The following GRIA4 variants were observed in gnomAD, a reference collection of about 807,000 sequenced individuals.
GRIA4 encodes glutamate receptor 4.
Under a neutral mutation model 104.0 loss-of-function variants are expected in GRIA4, and 34 were observed. The ratio of observed to expected loss-of-function variants is 0.33; its 90% CI spans 0.25 to 0.44. The LOEUF is 0.44. GRIA4 is among the 20% of genes least tolerant of loss of function. GRIA4 has a pLI of 1.00. For synonymous variants in GRIA4, 386 were observed against 381.9 expected (o/e 1.01, Z -0.13); for missense variants, 750 against 1,096.5 (o/e 0.68, Z 4.46).
At chr11:105,956,622 C>T (rs965199343) in intron 14 of GRIA4, among the ~76,000 whole-genome samples, 4 of 152,142 alleles carry the variant, frequency 2.6e-5, no homozygotes, top group African/African-American at 9.7e-5. Context: ...GGTATATATG[C>T]AGTAACAGGA....
chr11:105,897,804 G>A (rs1019959359), intron 6 of GRIA4, among the ~76,000 whole-genome samples: 1 of 152,060 alleles, frequency 6.6e-6, no homozygotes, highest in Non-Finnish European at 1.5e-5. Context: ...TGCTGGATTT[G>A]GGGTGCTGGT....
chr11:105,966,018 G>A (rs763030194), intron 14 of GRIA4: 1 of 1,613,634 alleles, frequency 6.2e-7, no homozygotes, highest in East Asian at 2.2e-5. Context: ...AACAAATGGT[G>A]GTACGACAAA....
intron 3 of GRIA4, among the ~76,000 whole-genome samples, chr11:105,715,693 G>T (rs557600878): frequency 1.3e-5 from 2 of 152,268 alleles, no homozygotes; most frequent in African/African-American, 4.8e-5. Flanking sequence ...ATGACCCAAA[G>T]AATTAAGGAT....
Position 105,887,547 on chromosome 11 carries a change from G to T in GRIA4, c.701G>T (p.Gly234Val). ...GTAAGTGTTGGAAAGCATGTTAAAG[G>T]CTACCATTATATCATTGCAAACTTG... The part of the protein sequence containing the change: ...QIVSVGKHVK[G>V]YHYIIANLGF... Residue 234 changes from glycine (G) to valine (V), a missense_variant, in exon 6 of 17, where the codon GGC becomes GTC. Gly to Val is a moderately radical substitution (Grantham distance 109). Transcript: ENST00000282499. 6.9e-7 allele frequency: 1 copy of T among 1,456,322 alleles called. No individual in the cohort carries two copies. Among genetic ancestry groups the T allele is most frequent in the Non-Finnish European group, 9.6e-7 (1 of 1,047,068 alleles). 90.2% of individuals were successfully genotyped at this position (1,456,322 alleles called of 1,614,324 possible).
At chr11:105,635,052 T>A (rs948230084) in intron 3 of GRIA4, among the ~76,000 whole-genome samples, 2 of 152,168 alleles carry the variant, frequency 1.3e-5, no homozygotes, top group Non-Finnish European at 2.9e-5. Context: ...ACTAATAAAT[T>A]CGGTGATACA....
intron 4 of GRIA4, among the ~76,000 whole-genome samples, chr11:105,797,170 C>G (rs1257964412): frequency 1.3e-5 from 2 of 152,020 alleles, no homozygotes; most frequent in African/African-American, 4.8e-5. Flanking sequence ...GATCACGCCA[C>G]TGCACTCTAG....
chr11:105,827,871 G>T (rs1943834119), intron 4 of GRIA4, among the ~76,000 whole-genome samples: 1 of 151,972 alleles, frequency 6.6e-6, no homozygotes, highest in Non-Finnish European at 1.5e-5. Context: ...TGCTTTTTAT[G>T]TATTCAAGGA....
intron 13 of GRIA4, among the ~76,000 whole-genome samples, chr11:105,932,302 C>A (rs906311689): frequency 2.2e-4 from 33 of 152,034 alleles, no homozygotes; most frequent in Non-Finnish European, 2.5e-4. Flanking sequence ...CTATGCCCAG[C>A]TAATTTTTGT....
At chr11:105,790,436 C>G (rs530110918) in intron 4 of GRIA4, among the ~76,000 whole-genome samples, 6 of 152,278 alleles carry the variant, frequency 3.9e-5, no homozygotes, top group African/African-American at 7.2e-5. Flanking sequence ...CTTCAGACAA[C>G]AGTGGCAGGT....
chr11:105,705,832 G>A (rs149680928), intron 3 of GRIA4, among the ~76,000 whole-genome samples: 1 of 152,294 alleles, frequency 6.6e-6, no homozygotes, highest in East Asian at 1.9e-4. Flanking sequence ...CCTTTTTGGA[G>A]AGGAATTTAA....
At chr11:105,618,641 G>A (rs1950661317) in intron 3 of GRIA4, among the ~76,000 whole-genome samples, 2 of 152,146 alleles carry the variant, frequency 1.3e-5, no homozygotes, top group Admixed American at 1.3e-4. Flanking sequence ...TGATTTTGAG[G>A]TGTTAAAAAT....
At chr11:105,630,250 C>T (rs1349078803) in intron 3 of GRIA4, among the ~76,000 whole-genome samples, 3 of 152,166 alleles carry the variant, frequency 2.0e-5, no homozygotes. Flanking sequence ...GGCTCAATGC[C>T]TGGCTTATAA....
chr11:105,922,178 G>A (rs1947583209), intron 11 of GRIA4, among the ~76,000 whole-genome samples: 1 of 152,092 alleles, frequency 6.6e-6, no homozygotes, highest in Admixed American at 6.6e-5. Context: ...AGTGGGGGCA[G>A]ATTATTACAG....
chr11:105,794,512 T>TATAA, intron 4 of GRIA4, among the ~76,000 whole-genome samples: 1 of 106,896 alleles, frequency 9.4e-6, no homozygotes, highest in African/African-American at 3.8e-5. Context: ...TATATATATA[T>TATAA]ACATATACAC....
At chr11:105,865,866 T>C (rs777896899) in intron 5 of GRIA4, among the ~76,000 whole-genome samples, 1 of 152,168 alleles carries the variant, frequency 6.6e-6, no homozygotes. Context: ...CACTTAAGGC[T>C]AGTGGTTGCT....
intron 14 of GRIA4, among the ~76,000 whole-genome samples, chr11:105,969,855 C>G (rs1460772667): frequency 2.0e-5 from 3 of 152,122 alleles, no homozygotes; most frequent in Non-Finnish European, 4.4e-5. Context: ...AGCACCTACT[C>G]TGAGTCAGCT....
chr11:105,841,891 C>T (rs1312051635), intron 4 of GRIA4, among the ~76,000 whole-genome samples: 5 of 152,216 alleles, frequency 3.3e-5, no homozygotes, highest in African/African-American at 9.6e-5. Context: ...GTGAATGTCA[C>T]AGCTAATAGG....
intron 14 of GRIA4, among the ~76,000 whole-genome samples, chr11:105,960,358 T>C (rs1317838353): frequency 6.6e-6 from 1 of 152,138 alleles, no homozygotes; most frequent in Non-Finnish European, 1.5e-5. Flanking sequence ...TGAGGAAGAA[T>C]GGGTCACGAT....
chr11:105,743,804 T>C (rs757515024), intron 3 of GRIA4, among the ~76,000 whole-genome samples: 6 of 152,204 alleles, frequency 3.9e-5, no homozygotes, highest in African/African-American at 7.2e-5. Flanking sequence ...TCATTCAAGA[T>C]ACAAACAAGA....
Sources: allele counts gnomAD v4.1 joint callset (sites outside exome capture counted in the v4.1 genomes callset), GRCh38; gene constraint gnomAD v4.1.1; transcripts MANE v1.5; gene names NCBI Gene and HGNC (gene_info 2026-07-23, HGNC 2026-07-21).